The following PXK variants were observed in gnomAD, a reference collection of about 807,000 sequenced individuals.
PXK encodes the protein PX domain-containing protein kinase-like protein.
In PXK, 35 loss-of-function variants were observed where a neutral mutation model predicts 84.7. The observed-to-expected ratio is 0.41, with a 90% CI of 0.32 to 0.55. PXK has a LOEUF of 0.55. Among genes scored for constraint, PXK ranks in the 20% least tolerant of loss-of-function variants. The pLI is 0.21. For synonymous variants in PXK, 253 were observed against 260.8 expected, an observed-to-expected ratio of 0.97 and a Z score of 0.29; for missense variants, 634 against 699.7, an observed-to-expected ratio of 0.91 and a Z score of 1.06.
intron 4 of PXK, among the ~76,000 whole-genome samples, chr3:58,384,014 C>T (rs1337964333): frequency 6.6e-6 from 1 of 152,152 alleles, no homozygotes; most frequent in Non-Finnish European, 1.5e-5. Context: ...GTAGAATCAC[C>T]TGGGGAGCGT....
intron 3 of PXK, among the ~76,000 whole-genome samples, chr3:58,377,455 T>C (rs1414269437): frequency 6.6e-6 from 1 of 152,158 alleles, no homozygotes; most frequent in East Asian, 1.9e-4. Context: ...TGAAAGTGAC[T>C]TTGCTCATTA....
At chr3:58,365,972 G>A in intron 2 of PXK, 48 bp downstream of exon 2, 1 of 1,452,346 alleles carries the variant, frequency 6.9e-7, no homozygotes, top group Non-Finnish European at 9.3e-7. Context: ...ATATTTAAAT[G>A]CGTGACTAAA....
At chr3:58,376,133 G>C (rs2098439826) in intron 3 of PXK, among the ~76,000 whole-genome samples, 1 of 152,180 alleles carries the variant, frequency 6.6e-6, no homozygotes, top group African/African-American at 2.4e-5. Context: ...AAATTAGCCT[G>C]GCCGGGCGTG....
intron 13 of PXK, among the ~76,000 whole-genome samples, chr3:58,405,637 C>T (rs1156869830): frequency 6.6e-6 from 1 of 151,332 alleles, no homozygotes; most frequent in Admixed American, 6.6e-5. Context: ...TGAGAGCACA[C>T]CACTGCACTC....
intron 1 of PXK, among the ~76,000 whole-genome samples, chr3:58,356,529 G>C (rs1156371512): frequency 1.3e-5 from 2 of 152,140 alleles, no homozygotes; most frequent in Admixed American, 1.3e-4. Flanking sequence ...TCGAGTTTCT[G>C]CTGGTCTCCA....
At chr3:58,338,253 TC>T (rs1331669100) in intron 1 of PXK, among the ~76,000 whole-genome samples, 2 of 147,242 alleles carry the variant, frequency 1.4e-5, no homozygotes, top group Non-Finnish European at 1.5e-5. Context: ...GGCAGGAGAA[TC>T]CCTTTAACCC....
At chr3:58,417,989 T>A (rs2061248011) in intron 17 of PXK, among the ~76,000 whole-genome samples, 6 of 151,826 alleles carry the variant, frequency 4.0e-5, no homozygotes, top group African/African-American at 1.5e-4. Flanking sequence ...TGGCTAATTT[T>A]TATATTTTTT....
intron 1 of PXK, among the ~76,000 whole-genome samples, chr3:58,363,699 G>A (rs778424878): frequency 3.3e-5 from 5 of 152,032 alleles, no homozygotes; most frequent in Non-Finnish European, 5.9e-5. Context: ...CTAAAAATAC[G>A]AACAGTTTTA....
At chr3:58,340,819 A>G (rs1192974145) in intron 1 of PXK, among the ~76,000 whole-genome samples, 1 of 152,030 alleles carries the variant, frequency 6.6e-6, no homozygotes, top group Non-Finnish European at 1.5e-5. Context: ...GTTTCTTTTT[A>G]GGCTGCTAGA....
chr3:58,337,052 C>T (rs1349197889), intron 1 of PXK, among the ~76,000 whole-genome samples: 1 of 152,096 alleles, frequency 6.6e-6, no homozygotes, highest in Non-Finnish European at 1.5e-5. Flanking sequence ...TCAGGTGATC[C>T]ACCTGCCTCG....
At chr3:58,423,409 T>C in intron 17 of PXK, 1 of 1,517,998 alleles carries the variant, frequency 6.6e-7, no homozygotes, top group Non-Finnish European at 8.8e-7. Flanking sequence ...CTTTGAGCAT[T>C]CCAAGATTGC....
rs913387053 is a variant in PXK at position 58,401,342 on chromosome 3, G to C, written c.1181+1965G>C. Among the ~76,000 whole-genome samples, 7 of 152,128 alleles carry C rather than the reference G, an allele frequency of 4.6e-5. 2 individuals are homozygous for C. In the South Asian group the frequency reaches 1.5e-3, roughly 32 times the overall value. ...AAAAAAGAGTAATATAGCTGGGCGC[G>C]GTGGCTCACACCTATAATCCCAGCA... On this transcript the variant is annotated intron_variant, in intron 12 of 17. Transcript: ENST00000356151. This position sits in a 1 kb window ranked among gnomAD's most constrained non-coding sequence, Gnocchi z 4.4.
Position 58,412,048 on chromosome 3 carries a change from CGTGTG to C in PXK, c.1466-852_1466-848del, listed in dbSNP as rs2060277668. Among the ~76,000 whole-genome samples, 1 of 151,786 alleles carries C rather than the reference CGTGTG, an allele frequency of 6.6e-6. No homozygotes were observed. Among genetic ancestry groups the C allele is most frequent in the African/African-American group, 2.4e-5 (1 of 41,316 alleles). On this transcript the variant is annotated intron_variant, in intron 16 of 17. Transcript: ENST00000356151. The surrounding 1 kb of genome is among the most constrained non-coding windows in gnomAD (Gnocchi z 6.2). Reference sequence around the variant, plus strand: ...ACACCAGCTCTGGTGGCTTCTCAGGCGTGTGATGGCAGCCCTCTGGGTGTGTGTGC... The same window carrying C: ...ACACCAGCTCTGGTGGCTTCTCAGGCATGGCAGCCCTCTGGGTGTGTGTGC...
chr3:58,369,352 A>C, intron 2 of PXK, 79 bp from the exon 3 acceptor site: 3 of 1,152,598 alleles, frequency 2.6e-6, no homozygotes, highest in Non-Finnish European at 3.8e-6. Flanking sequence ...CAATATTACT[A>C]ATTCTAATAC....
intron 1 of PXK, among the ~76,000 whole-genome samples, chr3:58,349,357 C>CTT (rs547487999): frequency 0.1 from 14,131 of 134,830 alleles, 937 homozygotes; most frequent in Middle Eastern, 0.14. Flanking sequence ...TCATAAATAT[C>CTT]TTTTTTTTTT....
At chr3:58,403,997 G>T in intron 13 of PXK, 87 bp downstream of exon 13, 1 of 924,698 alleles carries the variant, frequency 1.1e-6, no homozygotes, top group Non-Finnish European at 1.5e-6. Flanking sequence ...AAAAAGAAAA[G>T]ATATATAATA....
rs1372576470 is a variant in PXK, at chr3:58,382,588, G to A, written c.276G>A (p.Arg92=). ...TGGATCGTGAATTCATAGCTGAAAGGCAGAAAGGTCTTCAGAACTATCTCA... is the reference window on the plus strand; with the variant it reads ...TGGATCGTGAATTCATAGCTGAAAGACAGAAAGGTCTTCAGAACTATCTCA... ...GNMDREFIAE[R]QKGLQNYLNV... is the part of the protein sequence containing the mutation. Residue 92 remains arginine (R), a synonymous_variant, in exon 4 of 18, where the codon AGG becomes AGA. Coordinates refer to ENST00000356151, the MANE Select transcript of PXK (RefSeq NM_017771.5). 1.9e-6 allele frequency: 3 copies of A among 1,607,026 alleles called. No individual in the cohort carries two copies. The highest frequency in any genetic ancestry group is 2.5e-6 in the Non-Finnish European group (3 of 1,177,610).
intron 5 of PXK, 72 bp from the exon 6 acceptor site, chr3:58,391,075 A>T: frequency 9.3e-7 from 1 of 1,072,786 alleles, no homozygotes; most frequent in Non-Finnish European, 1.4e-6. Flanking sequence ...TTTCTTGATT[A>T]CCTAGTCAGT....
chr3:58,334,513 G>A lies in PXK; in HGVS notation c.102+1423G>A, dbSNP rs368034709. The stretch of plus-strand genomic sequence containing the variant: ...GCAAGTAAGTCTTATAACCTTTCAG[G>A]GAATAGTGTCGAGTCCTTTAGGTTT... On this transcript the variant is annotated intron_variant, in intron 1 of 17. Coordinates refer to ENST00000356151, the MANE Select transcript of PXK (RefSeq NM_017771.5). Among the ~76,000 whole-genome samples the A allele has an allele frequency of 5.3e-5, 8 of 152,154 alleles. No homozygotes were observed. The South Asian group carries it at 1.5e-3, about 28-fold the overall frequency.
Sources: gnomAD v4.1 joint callset for allele counts (sites outside exome capture counted in the v4.1 genomes callset) on GRCh38, gnomAD v4.1.1 for gene constraint, Gnocchi (gnomAD v3.1) non-coding constraint, MANE v1.5 for transcripts, NCBI Gene and HGNC (gene_info 2026-07-23, HGNC 2026-07-21) for gene names.